Variants in RASGRF2 observed in about 807,000 individuals in gnomAD.
The protein encoded by RASGRF2 is Ras protein specific guanine nucleotide releasing factor 2.
A neutral mutation model predicts 151.0 loss-of-function variants in RASGRF2; 76 were observed. That is an observed-to-expected ratio of 0.50 (90% CI 0.42 to 0.61). The LOEUF (loss-of-function observed/expected upper bound fraction) is 0.61, where lower values mean the gene tolerates loss of function less well. RASGRF2 is among the 20% of genes least tolerant of loss of function. The pLI, the probability that RASGRF2 is intolerant of heterozygous loss-of-function variation, is 0.00. For synonymous variants in RASGRF2, 504 were observed against 566.5 expected (o/e 0.89, Z 1.57); for missense variants, 1,148 against 1,564.6 (o/e 0.73, Z 4.49).
chr5:81,084,893 C>T (rs992471328), intron 7 of RASGRF2, among the ~76,000 whole-genome samples: 6 of 152,200 alleles, frequency 3.9e-5, no homozygotes, highest in Non-Finnish European at 1.5e-5. Flanking sequence ...TTATAGTTGA[C>T]GCTCCCATTT....
At chr5:81,197,833 G>T (rs1278716402) in intron 18 of RASGRF2, among the ~76,000 whole-genome samples, 1 of 152,184 alleles carries the variant, frequency 6.6e-6, no homozygotes, top group Non-Finnish European at 1.5e-5. Flanking sequence ...ATCCTCAAAA[G>T]CAGGACTTTG....
At position 81,053,310 on chromosome 5, in the gene RASGRF2, G is replaced by A. The variant is rs554012046; in HGVS notation, c.395+10327G>A. Among the ~76,000 whole-genome samples, 8 of 122,010 alleles carry A rather than the reference G, an allele frequency of 6.6e-5. No individual in the cohort carries two copies. In the East Asian group the frequency reaches 1.5e-3, roughly 22 times the overall value. The allele number at this position is 122,010 out of a possible 152,430, so 80.0% of individuals were successfully genotyped here. The stretch of plus-strand genomic sequence containing the variant: ...CCCATGACAGGCCCCAGTGTGTGAT[G>A]TCCCCCTTCCCATGTCCAAGTGTTC... On this transcript the variant is annotated intron_variant, in intron 2 of 26. Transcript: ENST00000265080.
chr5:81,228,072 T>C lies in RASGRF2; in HGVS notation c.*2302T>C, dbSNP rs1292245031. The C allele has an allele frequency of 2.6e-5, 4 of 152,274 alleles. No individual in the cohort carries two copies. Among genetic ancestry groups the C allele is most frequent in the African/African-American group, 9.7e-5 (4 of 41,442 alleles). 9.4% of individuals were successfully genotyped at this position (152,274 alleles called of 1,614,324 possible). On this transcript the variant is annotated 3_prime_UTR_variant, in exon 27 of 27. Coordinates refer to ENST00000265080, the MANE Select transcript of RASGRF2 (RefSeq NM_006909.3). ...TCATATTAGGCACTGTCAATTGCTA[T>C]GCTGACTTTTAGGGGGTTTTTGTTT...
At chr5:81,153,466 T>G (rs911734285) in intron 17 of RASGRF2, among the ~76,000 whole-genome samples, 1 of 152,166 alleles carries the variant, frequency 6.6e-6, no homozygotes, top group Non-Finnish European at 1.5e-5. Flanking sequence ...GGGCACCCTC[T>G]AGAAGCTGGA....
intron 17 of RASGRF2, among the ~76,000 whole-genome samples, chr5:81,168,311 T>C (rs866520379): frequency 2.2e-5 from 3 of 134,648 alleles, no homozygotes; most frequent in African/African-American, 3.1e-5. Flanking sequence ...TTTCTTCTCT[T>C]TTTTTTTTTT....
chr5:80,983,638 T>C (rs1357360326), intron 1 of RASGRF2, among the ~76,000 whole-genome samples: 1 of 152,234 alleles, frequency 6.6e-6, no homozygotes, highest in Non-Finnish European at 1.5e-5. Flanking sequence ...ACCTCTGCTT[T>C]ACATCTGCAC....
At chr5:81,127,023 A>T in intron 16 of RASGRF2, 51 bp from the exon 17 acceptor site, 1 of 1,574,512 alleles carries the variant, frequency 6.4e-7, no homozygotes. Context: ...TTGTTACAGA[A>T]TATTATCCAT....
chr5:81,087,318 G>T (rs1489213558), intron 9 of RASGRF2: 1 of 702,940 alleles, frequency 1.4e-6, no homozygotes, highest in Non-Finnish European at 2.6e-6. Context: ...AGAAACTTGC[G>T]TTGCTCAAAG....
chr5:81,179,234 A>G (rs554125676), intron 17 of RASGRF2, among the ~76,000 whole-genome samples: 2 of 152,350 alleles, frequency 1.3e-5, no homozygotes, highest in South Asian at 4.1e-4. Context: ...AGACTCAAAG[A>G]CAGTGAATCA....
chr5:81,226,524 C>CA lies in RASGRF2; in HGVS notation c.*755dup, dbSNP rs1756004188. On this transcript the variant is annotated 3_prime_UTR_variant, in exon 27 of 27. Coordinates refer to ENST00000265080, the MANE Select transcript of RASGRF2 (RefSeq NM_006909.3). ...CTTGAGACTGTTGGTCCTAAGAAGCCAGCCCTTTTGGAGAGGCAGCTGCAA... is the reference window on the plus strand; with the variant it reads ...CTTGAGACTGTTGGTCCTAAGAAGCCAAGCCCTTTTGGAGAGGCAGCTGCAA... 1 of 152,198 alleles carries CA rather than the reference C, an allele frequency of 6.6e-6. No homozygotes were observed. The highest frequency in any genetic ancestry group is 2.4e-5 in the African/African-American group (1 of 41,448). The allele number at this position is 152,198 out of a possible 1,614,324, so 9.4% of individuals were successfully genotyped here.
chr5:81,188,463 C>T (rs1755080718), intron 18 of RASGRF2, among the ~76,000 whole-genome samples: 1 of 152,164 alleles, frequency 6.6e-6, no homozygotes, highest in Admixed American at 6.5e-5. Context: ...TAGAAGTCAT[C>T]TAGGAGCAGC....
chr5:81,211,147 A>G (rs1313398331), intron 22 of RASGRF2, among the ~76,000 whole-genome samples: 3 of 36,442 alleles, frequency 8.2e-5, no homozygotes, highest in Admixed American at 4.6e-4. Context: ...CTGTCTCCAG[A>G]AAAAAAAAAA....
chr5:81,041,841 G>A (rs754074391), intron 1 of RASGRF2, among the ~76,000 whole-genome samples: 12 of 152,046 alleles, frequency 7.9e-5, no homozygotes, highest in Non-Finnish European at 1.5e-4. Context: ...TCCCTCATGC[G>A]ATTCCTTTGT....
rs1326659772 is a variant in RASGRF2, at chr5:81,073,471, CAA to C, written c.887+21_887+22del. On this transcript the variant is annotated intron_variant, in intron 5 of 26. Transcript: ENST00000265080. ...TTAACAGGTTTGACATTGCATAAAT[CAA>C]AGAGTTATGAGAAAAACCCCTTTGT... is the stretch of plus-strand genomic sequence containing the variant. 1.2e-6 allele frequency: 2 copies of C among 1,603,350 alleles called. No individual in the cohort carries two copies. The highest frequency in any genetic ancestry group is 1.3e-5 in the African/African-American group (1 of 74,380).
chr5:81,022,821 T>C (rs757538401), intron 1 of RASGRF2, among the ~76,000 whole-genome samples: 6 of 149,652 alleles, frequency 4.0e-5, no homozygotes, highest in Non-Finnish European at 8.9e-5. Context: ...CAGAGCAGCA[T>C]AGATTGGAAA....
chr5:81,190,514 A>G (rs1035670546), intron 18 of RASGRF2, among the ~76,000 whole-genome samples: 5 of 152,244 alleles, frequency 3.3e-5, no homozygotes, highest in Non-Finnish European at 5.9e-5. Context: ...ATAATGCACA[A>G]ATGAATTATT....
intron 1 of RASGRF2, among the ~76,000 whole-genome samples, chr5:81,030,317 T>A (rs963019096): frequency 7.2e-5 from 11 of 152,038 alleles, no homozygotes; most frequent in African/African-American, 2.4e-4. Context: ...AAGATACTCC[T>A]CGAGAAGAGC....
At chr5:81,198,574 G>A (rs1755319975) in intron 18 of RASGRF2, among the ~76,000 whole-genome samples, 1 of 152,072 alleles carries the variant, frequency 6.6e-6, no homozygotes, top group Non-Finnish European at 1.5e-5. Flanking sequence ...AGAGTAGCTG[G>A]GATTACAGGT....
At chr5:81,110,861 TA>T (rs1752973853) in intron 13 of RASGRF2, among the ~76,000 whole-genome samples, 1 of 152,198 alleles carries the variant, frequency 6.6e-6, no homozygotes, top group Non-Finnish European at 1.5e-5. Context: ...AGAGCCTTGT[TA>T]TTTTCAAGAA....
Sources: allele counts gnomAD v4.1 joint callset (sites outside exome capture counted in the v4.1 genomes callset), GRCh38; gene constraint gnomAD v4.1.1; transcripts MANE v1.5; gene names NCBI Gene and HGNC (gene_info 2026-07-23, HGNC 2026-07-21).